The following GALNS variants were observed in gnomAD, a reference collection of about 807,000 sequenced individuals.
The protein encoded by GALNS is galactosamine (N-acetyl)-6-sulfatase, also known as N-acetylgalactosamine-6-sulfatase.
A neutral mutation model predicts 65.9 loss-of-function variants in GALNS; 65 were observed. That is an observed-to-expected ratio of 0.99 (90% CI 0.81 to 1.21). GALNS has a LOEUF of 1.21. Ranked by LOEUF, GALNS falls within the 50% of genes most tolerant of loss-of-function variation. GALNS has a pLI of 0.00. For missense variants in GALNS, 776 were observed against 700.7 expected (o/e 1.11, Z -1.21); for synonymous variants, 346 against 288.9 (o/e 1.20, Z -2.00).
In GALNS at chr16:88,856,036, G is replaced by A. The variant is rs896300511; in HGVS notation, c.120+722C>T. On this transcript the variant is annotated intron_variant, in intron 1 of 13. Coordinates refer to ENST00000268695, the MANE Select transcript of GALNS (RefSeq NM_000512.5). ...AGGGTTTCAACCCAGGTGTGTCTGG[G>A]GTCCTGCACGGTGACCCATGCCCCA... The A allele has an allele frequency of 3.5e-5, 22 of 620,472 alleles. No individual in the cohort carries two copies. In the South Asian group the frequency reaches 4.0e-4, roughly 11 times the overall value. The allele number at this position is 620,472 out of a possible 1,614,324, so 38.4% of individuals were successfully genotyped here.
At position 88,835,294 on chromosome 16, in the gene GALNS, G is replaced by C; in HGVS notation, c.817C>G (p.Gln273Glu). 6.2e-7 allele frequency: 1 copy of C among 1,613,436 alleles called. No individual in the cohort carries two copies. Among genetic ancestry groups the C allele is most frequent in the South Asian group, 1.1e-5 (1 of 90,790 alleles). Residue 273 changes from glutamine to glutamate, a missense_variant, in exon 8 of 14, where the codon CAA becomes GAA. By Grantham distance (29) the Gln-to-Glu change is conservative (BLOSUM62 2). Transcript: ENST00000268695. The part of the protein sequence containing the change: ...DSIGKILELL[Q>E]DLHVADNTFV... ...GTGTTGTCCGCGACGTGCAGGTCTTGGAGGAGCTCCAGTATCTTCCCAATG... is the reference window on the plus strand; with the variant it reads ...GTGTTGTCCGCGACGTGCAGGTCTTCGAGGAGCTCCAGTATCTTCCCAATG...
At chr16:88,856,335 G>C (rs941493643) in intron 1 of GALNS, 6 of 702,458 alleles carry the variant, frequency 8.5e-6, no homozygotes, top group Non-Finnish European at 1.3e-5. Context: ...AGGGCGGCAG[G>C]AGCAGCCTCT....
intron 13 of GALNS, chr16:88,816,319 G>A (rs1216090520): frequency 1.0e-6 from 1 of 985,316 alleles, no homozygotes; most frequent in Non-Finnish European, 1.2e-6. Context: ...AGCACGGAGT[G>A]GGATTGGGTG....
intron 1 of GALNS, among the ~76,000 whole-genome samples, chr16:88,850,663 G>A (rs562068739): frequency 1.4e-4 from 21 of 152,252 alleles, no homozygotes; most frequent in East Asian, 5.8e-4. Flanking sequence ...GAGAAGGTGC[G>A]GGCGGGGCCG....
rs79025743 is a variant in GALNS at position 88,822,755 on chromosome 16, C to T, written c.1243-45G>A. The T allele has an allele frequency of 0.01, 16,445 of 1,601,868 alleles. 100 individuals are homozygous for T. Among genetic ancestry groups the T allele is most frequent in the Admixed American group, 0.013 (758 of 59,404 alleles). ...GGTGTGTCCTGGAGCCCCTGACCTG[C>T]GGCCGTGAGGGGCCTCGTCTGCCCG... On this transcript the variant is annotated intron_variant, in intron 11 of 13. Transcript: ENST00000268695.
chr16:88,852,240 A>T (rs762573856), intron 1 of GALNS, among the ~76,000 whole-genome samples: 1 of 152,234 alleles, frequency 6.6e-6, no homozygotes, highest in Non-Finnish European at 1.5e-5. Flanking sequence ...CCAGGCAAAC[A>T]GGGTCTGGAG....
intron 13 of GALNS, chr16:88,815,434 G>T (rs537918262): frequency 3.0e-6 from 3 of 985,490 alleles, no homozygotes; most frequent in Non-Finnish European, 3.6e-6. Flanking sequence ...AGTTCAGTGC[G>T]GTGCTGAGCG....
chr16:88,832,150 GCC>G (rs746830776), intron 8 of GALNS, 49 bp from the exon 9 acceptor site: 3 of 1,506,782 alleles, frequency 2.0e-6, no homozygotes, highest in South Asian at 2.3e-5. Flanking sequence ...ATGTCCCCAG[GCC>G]CTCCCCCTCC....
Position 88,824,854 on chromosome 16 carries a change from G to T in GALNS, c.1155C>A (p.Tyr385Ter), listed in dbSNP as rs1426905479. ...GRLMDRPIFY[Y>*]RGDTLMAATL... ...TGGCCGCCATCAGCGTGTCGCCACG[G>T]TAATAGAAGATAGGCCTGTGGGATG... is the stretch of plus-strand genomic sequence containing the variant. The change falls in exon 11 of 14, where the codon TAC (tyrosine) becomes TAA (stop). Residue 385 changes from tyrosine (Y) to a stop codon, truncating the protein, a stop_gained. Coordinates refer to ENST00000268695, the MANE Select transcript of GALNS (RefSeq NM_000512.5). LOFTEE classifies it high-confidence loss of function. The T allele has an allele frequency of 6.8e-6, 11 of 1,613,284 alleles. No individual in the cohort carries two copies. Among genetic ancestry groups the T allele is most frequent in the Non-Finnish European group, 8.5e-6 (10 of 1,179,970 alleles).
At chr16:88,820,761 G>T (rs570379833) in intron 12 of GALNS, among the ~76,000 whole-genome samples, 1 of 152,336 alleles carries the variant, frequency 6.6e-6, no homozygotes, top group East Asian at 1.9e-4. Flanking sequence ...CCCCCCTGTG[G>T]ATGCCAATCA....
chr16:88,818,778 C>T (rs533978608), intron 12 of GALNS, among the ~76,000 whole-genome samples: 24 of 152,356 alleles, frequency 1.6e-4, no homozygotes, highest in African/African-American at 4.8e-4. Context: ...TCAATCACTT[C>T]TAATATCGAC....
chr16:88,855,613 G>C, intron 1 of GALNS: 1 of 633,802 alleles, frequency 1.6e-6, no homozygotes, highest in Non-Finnish European at 2.8e-6. Flanking sequence ...GGTGGTGTCT[G>C]TTATCTTTTC....
chr16:88,855,215 G>A (rs1175226685), intron 1 of GALNS: 2 of 695,820 alleles, frequency 2.9e-6, no homozygotes, highest in South Asian at 3.0e-5. Context: ...TTCATGAGCT[G>A]CCCCGCCTCA....
intron 9 of GALNS, among the ~76,000 whole-genome samples, chr16:88,831,240 G>T (rs1239666517): frequency 6.6e-6 from 1 of 150,512 alleles, no homozygotes; most frequent in Non-Finnish European, 1.5e-5. Context: ...GGGGTGCGTG[G>T]GGAGGAGAGC....
intron 1 of GALNS, among the ~76,000 whole-genome samples, chr16:88,854,738 C>T (rs889658688): frequency 2.6e-5 from 4 of 152,218 alleles, no homozygotes; most frequent in Non-Finnish European, 5.9e-5. Context: ...AGCAGAGCCA[C>T]GAAAGGGGAA....
At position 88,814,482 on chromosome 16, in the gene GALNS, G is replaced by A. The variant is rs77419252; in HGVS notation, c.1526C>T (p.Thr509Ile). ...CTTCTTGGGAATGGATTCTGGAGGT[G>A]TCAGACACTTCCCTAACTTTTCACA... ...PGCEKLGKCL[T>I]PPESIPKKCL... The change falls in exon 14 of 14, where the codon ACA becomes ATA. Residue 509 changes from threonine to isoleucine, a missense_variant. Transcript: ENST00000268695. The A allele has an allele frequency of 5.1e-6, 8 of 1,563,462 alleles. No homozygotes were observed. The highest frequency in any genetic ancestry group is 6.9e-6 in the Non-Finnish European group (8 of 1,153,238).
chr16:88,833,777 G>T (rs1567528644), intron 8 of GALNS, among the ~76,000 whole-genome samples: 1 of 152,228 alleles, frequency 6.6e-6, no homozygotes, highest in Admixed American at 6.5e-5. Flanking sequence ...TCTCTGGGAT[G>T]TTCTGTTTCT....
rs1358891550 is a variant in GALNS at position 88,827,108 on chromosome 16, C to A, written c.1003-270G>T. The A allele has an allele frequency of 5.3e-6, 3 of 566,376 alleles. No individual in the cohort carries two copies. In the African/African-American group the frequency reaches 5.6e-5, roughly 11 times the overall value. The allele number at this position is 566,376 out of a possible 1,614,324, so 35.1% of individuals were successfully genotyped here. A position where few individuals can be genotyped will look rare whatever the true frequency, so the allele number is the denominator to read the frequency against. The stretch of plus-strand genomic sequence containing the variant: ...TCTGTGGATCAGATGAAAGGAGAAT[C>A]ACAGCCCTCCCAGGGAGATGCCCCT... On this transcript the variant is annotated intron_variant, in intron 9 of 13. Coordinates refer to ENST00000268695, the MANE Select transcript of GALNS (RefSeq NM_000512.5).
At position 88,835,510 on chromosome 16, in the gene GALNS, A is replaced by C. The variant is rs901899461; in HGVS notation, c.759-158T>G. On this transcript the variant is annotated intron_variant, in intron 7 of 13. Coordinates refer to ENST00000268695, the MANE Select transcript of GALNS (RefSeq NM_000512.5). ...CTCTTCCCAGAAGAGGAATGGCCTC[A>C]GTTCAAGTTCATGTGGCTTATGAAG... Among the ~76,000 whole-genome samples, 115 of 152,188 alleles carry C rather than the reference A, an allele frequency of 7.6e-4. 1 individual carries two copies. Among genetic ancestry groups the C allele is most frequent in the Non-Finnish European group, 1.9e-4 (13 of 68,028 alleles).
Sources: allele counts gnomAD v4.1 joint callset (sites outside exome capture counted in the v4.1 genomes callset), GRCh38; gene constraint gnomAD v4.1.1; transcripts MANE v1.5; gene names NCBI Gene and HGNC (gene_info 2026-07-23, HGNC 2026-07-21).